The following POMGNT1 variants were observed in gnomAD, a reference collection of about 807,000 sequenced individuals.
POMGNT1 encodes the protein protein O-linked-mannose beta-1,2-N-acetylglucosaminyltransferase 1.
A neutral mutation model predicts 95.6 loss-of-function variants in POMGNT1; 67 were observed. That is an observed-to-expected ratio of 0.70 (90% CI 0.58 to 0.86). The LOEUF (loss-of-function observed/expected upper bound fraction) is 0.86. Among genes scored for constraint, POMGNT1 ranks in the 40% least tolerant of loss-of-function variants. POMGNT1 has a pLI of 0.00. For missense variants in POMGNT1, 719 were observed against 855.2 expected (o/e 0.84, Z 1.99); for synonymous variants, 298 against 317.9 (o/e 0.94, Z 0.66).
chr1:46,214,698 T>A (rs1659009679), intron 1 of POMGNT1, among the ~76,000 whole-genome samples: 1 of 151,742 alleles, frequency 6.6e-6, no homozygotes, highest in African/African-American at 2.4e-5. Context: ...AAACCCCATC[T>A]CTACTAAAAA....
intron 12 of POMGNT1, 28 bp downstream of exon 12, chr1:46,193,277 G>A (rs896472572): frequency 6.2e-7 from 1 of 1,613,872 alleles, no homozygotes; most frequent in Admixed American, 1.7e-5. Flanking sequence ...CCAGGTGTCT[G>A]CCCCATCCCC....
chr1:46,199,410 G>T (rs1658470352), upstream of POMGNT1, among the ~76,000 whole-genome samples: 1 of 152,190 alleles, frequency 6.6e-6, no homozygotes, highest in South Asian at 2.1e-4. Context: ...ATCATACATA[G>T]AAAGCAGTTA....
upstream of POMGNT1, among the ~76,000 whole-genome samples, chr1:46,199,297 AG>A (rs1394669713): frequency 1.3e-5 from 2 of 152,240 alleles, no homozygotes; most frequent in Non-Finnish European, 2.9e-5. Flanking sequence ...AATATCACAA[AG>A]CTAGGAGAGG....
At chr1:46,209,085 C>T (rs771211542) in intron 1 of POMGNT1, among the ~76,000 whole-genome samples, 8 of 152,128 alleles carry the variant, frequency 5.3e-5, no homozygotes, top group Non-Finnish European at 7.4e-5. Context: ...AGTGCAATGG[C>T]GCAATCTTGG....
rs80107141 is a variant in POMGNT1 at position 46,197,832 on chromosome 1, C to A, written c.-11G>T. On this transcript the variant is annotated 5_prime_UTR_variant, in exon 2 of 22. Transcript: ENST00000371984. ...CTTCCAGTCGTCCATACCGGATTGGCGGGTCACCAATGTCCTGGCCAGCCC... is the reference window on the plus strand; with the variant it reads ...CTTCCAGTCGTCCATACCGGATTGGAGGGTCACCAATGTCCTGGCCAGCCC... The A allele has an allele frequency of 6.2e-7, 1 of 1,613,712 alleles. No individual in the cohort carries two copies. The highest frequency in any genetic ancestry group is 1.1e-5 in the South Asian group (1 of 91,056).
In POMGNT1 at chr1:46,196,550, T is replaced by C. The variant is rs1166747667; in HGVS notation, c.354+181A>G. Among the ~76,000 whole-genome samples the C allele has an allele frequency of 3.3e-5, 5 of 152,270 alleles. No homozygotes were observed. The highest frequency in any genetic ancestry group is 2.1e-4 in the South Asian group (1 of 4,832). On this transcript the variant is annotated intron_variant, in intron 4 of 21. Transcript: ENST00000371984. The surrounding 1 kb of genome is among the most constrained non-coding windows in gnomAD (Gnocchi z 4.4). The stretch of plus-strand genomic sequence containing the variant: ...TACAAGACACTTCACAAACTTTTCA[T>C]TGAATCCTGACAAGTAGAAATCATT...
At position 46,195,912 on chromosome 1, in the gene POMGNT1, C is replaced by T. The variant is rs1446725261; in HGVS notation, c.433G>A (p.Ala145Thr). 2 of 1,613,940 alleles carry T rather than the reference C, an allele frequency of 1.2e-6. No homozygotes were observed. Among genetic ancestry groups the T allele is most frequent in the Non-Finnish European group, 1.7e-6 (2 of 1,179,986 alleles). The change falls in exon 6 of 22, where the codon GCA (alanine) becomes ACA (threonine). Residue 145 changes from alanine to threonine, a missense_variant. Transcript: ENST00000371984. ...GAGTACGTGTCAAACACACGTTTTG[C>T]CATCACGTGGCCCTGGCAGGGGATA... ...VLNQATGHVM[A>T]KRVFDTYSPH...
chr1:46,219,446 T>A (rs571661228), intron 1 of POMGNT1, among the ~76,000 whole-genome samples: 88 of 152,194 alleles, frequency 5.8e-4, no homozygotes, highest in Admixed American at 1.4e-3. Context: ...ACAGCTACCC[T>A]GTGAGGTAAG....
chr1:46,205,938 T>A (rs1027746053), intron 1 of POMGNT1, among the ~76,000 whole-genome samples: 2 of 152,230 alleles, frequency 1.3e-5, no homozygotes, highest in African/African-American at 4.8e-5. Flanking sequence ...CAGCTCTCCT[T>A]GCACAAAGGG....
At chr1:46,203,341 C>T (rs1658605435), upstream of POMGNT1, 4 of 1,299,110 alleles carry the variant, frequency 3.1e-6, no homozygotes, top group East Asian at 8.6e-5. Flanking sequence ...ACCGGTTTTG[C>T]TCCGCTTTAG....
Position 46,203,577 on chromosome 1 carries a change from A to G in POMGNT1, c.-50-5706T>C, listed in dbSNP as rs377472143. The G allele has an allele frequency of 4.4e-6, 7 of 1,579,558 alleles. No individual in the cohort carries two copies. In the African/African-American group the frequency reaches 5.5e-5, roughly 12 times the overall value. On this transcript the variant is annotated intron_variant, in intron 1 of 22. Transcript: ENST00000371992. ...CCTGCTGCTCCCAGGGGCGTCTAGC[A>G]CCGGCCACGACTTGGGGGACAAGAT...
Position 46,189,472 on chromosome 1 carries a change from C to T in POMGNT1, c.1881G>A (p.Pro627=), listed in dbSNP as rs777614696. The T allele has an allele frequency of 6.8e-6, 11 of 1,613,406 alleles. No homozygotes were observed. The highest frequency in any genetic ancestry group is 4.5e-5 in the East Asian group (2 of 44,892). Residue 627 remains proline (P), a synonymous_variant, in exon 21 of 22, where the codon CCG becomes CCA. Transcript: ENST00000371984. ...GGGTCACTCACGAGTAGGGGGAAGC[C>T]GGGACCCCCACCATCAGGAAGTGGT... is the stretch of plus-strand genomic sequence containing the variant. The part of the protein sequence containing the change: ...KKNHFLMVGV[P]ASPYSVKKPP...
In POMGNT1 at chr1:46,188,913, C is replaced by T; in HGVS notation, c.*357G>A. ...TTCCAGCCCAAAAAGAAATCCAGGCCCTCCAGGTTCGGCCTGTTTTCAAGG... is the reference window on the plus strand; with the variant it reads ...TTCCAGCCCAAAAAGAAATCCAGGCTCTCCAGGTTCGGCCTGTTTTCAAGG... On this transcript the variant is annotated 3_prime_UTR_variant, in exon 22 of 22. Transcript: ENST00000371984. 3 of 1,612,812 alleles carry T rather than the reference C, an allele frequency of 1.9e-6. No individual in the cohort carries two copies. The highest frequency in any genetic ancestry group is 1.1e-5 in the South Asian group (1 of 91,078).
chr1:46,198,475 C>G (rs1410490247), upstream of POMGNT1: 1 of 149,338 alleles, frequency 6.7e-6, no homozygotes, highest in Non-Finnish European at 1.5e-5. Context: ...CCGCCGCCGC[C>G]GCCGCCGCTG....
chr1:46,217,780 C>T (rs1328579416), intron 1 of POMGNT1, among the ~76,000 whole-genome samples: 3 of 152,070 alleles, frequency 2.0e-5, no homozygotes, highest in Non-Finnish European at 4.4e-5. Flanking sequence ...TCGCTTGAAC[C>T]CTGGAGGCGG....
intron 8 of POMGNT1, 69 bp from the exon 9 acceptor site, chr1:46,194,470 T>C (rs1379915162): frequency 2.5e-6 from 4 of 1,614,012 alleles, no homozygotes; most frequent in Non-Finnish European, 3.4e-6. Context: ...AGGCACACAA[T>C]CAAAGGAATA....
At chr1:46,195,945 G>A (rs772200334) in intron 5 of POMGNT1, 21 bp from the exon 6 acceptor site, 15 of 1,614,108 alleles carry the variant, frequency 9.3e-6, no homozygotes, top group South Asian at 2.2e-5. Flanking sequence ...ATATACTTCT[G>A]GTGAGTTGGT....
chr1:46,201,193 A>G (rs1251133694), upstream of POMGNT1, among the ~76,000 whole-genome samples: 5 of 151,732 alleles, frequency 3.3e-5, no homozygotes, highest in African/African-American at 4.8e-5. Flanking sequence ...ATCAAAAAGT[A>G]CCAAGGAAAA....
chr1:46,216,157 C>T (rs1659061587), intron 1 of POMGNT1, among the ~76,000 whole-genome samples: 1 of 148,360 alleles, frequency 6.7e-6, no homozygotes, highest in South Asian at 2.1e-4. Context: ...CGCCATTCTC[C>T]TGCCTCAACC....
Sources: allele counts gnomAD v4.1 joint callset (sites outside exome capture counted in the v4.1 genomes callset), GRCh38; gene constraint gnomAD v4.1.1; non-coding constraint Gnocchi (gnomAD v3.1); transcripts MANE v1.5; gene names NCBI Gene and HGNC (gene_info 2026-07-23, HGNC 2026-07-21).